HDAC9: variants seen among roughly 807,000 people sequenced by gnomAD.
The protein encoded by HDAC9 is MEF-2 interacting transcription repressor (MITR) protein.
Under a neutral mutation model 139.4 loss-of-function variants are expected in HDAC9, and 41 were observed. The observed-to-expected ratio is 0.29, with a 90% CI of 0.23 to 0.38. The LOEUF (loss-of-function observed/expected upper bound fraction) is 0.38. Ranked by LOEUF, HDAC9 falls within the 10% of genes least tolerant of loss-of-function variation. The probability of loss-of-function intolerance (pLI) is 1.00; values close to 1 mark genes in which losing one functional copy is unlikely to be tolerated. For missense variants in HDAC9, 1,147 were observed against 1,297.0 expected (o/e 0.88, Z 1.78); for synonymous variants, 517 against 476.2 (o/e 1.09, Z -1.12).
At chr7:18,345,925 G>A (rs1435777781) in intron 1 of HDAC9, among the ~76,000 whole-genome samples, 1 of 151,980 alleles carries the variant, frequency 6.6e-6, no homozygotes, top group Non-Finnish European at 1.5e-5. Flanking sequence ...TCAAGGAGCC[G>A]CATGTATAGT....
At chr7:18,310,086 T>C (rs1469856584) in intron 1 of HDAC9, among the ~76,000 whole-genome samples, 2 of 147,846 alleles carry the variant, frequency 1.4e-5, no homozygotes, top group Non-Finnish European at 3.0e-5. Context: ...CACTTTAGCT[T>C]GATAAGTGCC....
chr7:18,720,160 C>T (rs1348401199), intron 12 of HDAC9, among the ~76,000 whole-genome samples: 1 of 151,928 alleles, frequency 6.6e-6, no homozygotes, highest in Non-Finnish European at 1.5e-5. Flanking sequence ...TAGTATCTAT[C>T]CATATATCAA....
rs553747146 is a variant in HDAC9, at chr7:18,508,273, T to A, written c.22+11949T>A. ...GTGAAGGCTTTTGAGTCTGCTAACC[T>A]GTAAAGGGTATCTTTCTAAAAAAAG... On this transcript the variant is annotated intron_variant, in intron 2 of 25. Coordinates refer to ENST00000686413, the MANE Select transcript of HDAC9 (RefSeq NM_178425.4). 2.6e-5 allele frequency among the ~76,000 whole-genome samples: 4 copies of A among 152,318 alleles called. No homozygotes were observed. The East Asian group carries it at 7.7e-4, about 29-fold the overall frequency.
chr7:18,426,357 C>T (rs1222002723), intron 1 of HDAC9, among the ~76,000 whole-genome samples: 1 of 152,190 alleles, frequency 6.6e-6, no homozygotes. Flanking sequence ...AATGCTAATG[C>T]AGTTTTTAAT....
At position 18,775,162 on chromosome 7, in the gene HDAC9, A is replaced by C. The variant is rs191251647; in HGVS notation, c.2214+8007A>C. 3.3e-5 allele frequency among the ~76,000 whole-genome samples: 5 copies of C among 152,166 alleles called. No individual in the cohort carries two copies. The East Asian group carries it at 9.7e-4, about 30-fold the overall frequency. ...TATGGGCACGATTCATGGTGCCCCA[A>C]AACAATTATAATAGTACTATCAAAG... On this transcript the variant is annotated intron_variant, in intron 16 of 25. Transcript: ENST00000686413.
chr7:18,231,371 G>A lies in HDAC9; in HGVS notation c.25+69022G>A, dbSNP rs74433491. On this transcript the variant is annotated intron_variant, in intron 2 of 12. Transcript: ENST00000417496. The stretch of plus-strand genomic sequence containing the variant: ...TTTCTCCCCACTTTACGGCGATCAA[G>A]CTGCATCCCCTCTCATGGGGCTGTG... Among the ~76,000 whole-genome samples the A allele has an allele frequency of 6.4e-3, 977 of 152,306 alleles. 16 individuals are homozygous for A. Among genetic ancestry groups the A allele is most frequent in the African/African-American group, 0.023 (943 of 41,560 alleles).
At chr7:18,285,681 T>C (rs1797390681), upstream of HDAC9, among the ~76,000 whole-genome samples, 1 of 152,106 alleles carries the variant, frequency 6.6e-6, no homozygotes, top group African/African-American at 2.4e-5. Flanking sequence ...TTTACTTGCT[T>C]ACCAGTGAAG....
chr7:18,972,010 T>G (rs1276610469), intron 24 of HDAC9, among the ~76,000 whole-genome samples: 2 of 152,222 alleles, frequency 1.3e-5, no homozygotes, highest in Non-Finnish European at 1.5e-5. Flanking sequence ...AGACCTCTCC[T>G]GTTGAGAAAT....
At position 18,482,245 on chromosome 7, in the gene HDAC9, T is replaced by TA. The variant is rs142688230; in HGVS notation, c.-41-14014dup. Among the ~76,000 whole-genome samples, 850 of 151,516 alleles carry TA rather than the reference T, an allele frequency of 5.6e-3. 11 individuals carry two copies. The highest frequency in any genetic ancestry group is 0.02 in the African/African-American group (819 of 41,242). On this transcript the variant is annotated intron_variant, in intron 1 of 3. Transcript: ENST00000413509. ...ACCCTCATGTGCCCTGTCACACTGTTAAAGAGTATCCCTGGCTGCTGAGCA... is the reference window on the plus strand; with the variant it reads ...ACCCTCATGTGCCCTGTCACACTGTTAAAAGAGTATCCCTGGCTGCTGAGCA...
intron 16 of HDAC9, among the ~76,000 whole-genome samples, chr7:18,770,805 G>A (rs920255887): frequency 6.6e-6 from 1 of 152,124 alleles, no homozygotes; most frequent in African/African-American, 2.4e-5. Context: ...GGGGCTTATG[G>A]CATTTGTTTA....
At chr7:18,432,629 T>TG (rs1790782954) in intron 1 of HDAC9, among the ~76,000 whole-genome samples, 1 of 152,282 alleles carries the variant, frequency 6.6e-6, no homozygotes, top group African/African-American at 2.4e-5. Context: ...GTTGAAAATT[T>TG]GAATGTTCAT....
At chr7:18,441,620 C>T (rs889272198) in intron 1 of HDAC9, among the ~76,000 whole-genome samples, 1 of 152,122 alleles carries the variant, frequency 6.6e-6, no homozygotes, top group Non-Finnish European at 1.5e-5. Flanking sequence ...TCAGTATTCA[C>T]TTGTTTGGAG....
intron 22 of HDAC9, among the ~76,000 whole-genome samples, chr7:18,932,876 G>GAAAGAAAGAAAGAAAC (rs1804900795): frequency 6.6e-6 from 1 of 151,868 alleles, no homozygotes; most frequent in African/African-American, 2.4e-5. Flanking sequence ...AAGAAAGAAA[G>GAAAGAAAGAAAGAAAC]AAAGGATGTC....
At chr7:18,264,203 A>C (rs892004143) in intron 2 of HDAC9, among the ~76,000 whole-genome samples, 1 of 152,180 alleles carries the variant, frequency 6.6e-6, no homozygotes, top group Non-Finnish European at 1.5e-5. Flanking sequence ...TTTCCACCCA[A>C]CAACAGTGGA....
At chr7:18,660,080 G>C (rs193162374) in intron 11 of HDAC9, among the ~76,000 whole-genome samples, 27 of 152,292 alleles carry the variant, frequency 1.8e-4, no homozygotes, top group Admixed American at 1.4e-3. Context: ...CTAGTAAATA[G>C]TCGGAAATTT....
chr7:18,386,555 C>T (rs775742739), intron 1 of HDAC9, among the ~76,000 whole-genome samples: 1 of 152,164 alleles, frequency 6.6e-6, no homozygotes, highest in African/African-American at 2.4e-5. Flanking sequence ...AGGTCACGCT[C>T]GCCTTGAACC....
chr7:18,652,084 G>C (rs1373066885), intron 11 of HDAC9, among the ~76,000 whole-genome samples: 1 of 152,110 alleles, frequency 6.6e-6, no homozygotes, highest in Non-Finnish European at 1.5e-5. Context: ...AATCAGAAAT[G>C]CATTAAACAG....
intron 1 of HDAC9, among the ~76,000 whole-genome samples, chr7:18,298,195 ATTT>A (rs1236607851): frequency 6.6e-6 from 1 of 152,066 alleles, no homozygotes; most frequent in Non-Finnish European, 1.5e-5. Context: ...TATTGTTATT[ATTT>A]ATTTTCACAA....
At chr7:18,362,842 C>T (rs1783889305) in intron 1 of HDAC9, among the ~76,000 whole-genome samples, 1 of 152,036 alleles carries the variant, frequency 6.6e-6, no homozygotes, top group African/African-American at 2.4e-5. Flanking sequence ...TTCTGGTTTA[C>T]GTCTTTAAAG....
Sources: gnomAD v4.1 joint callset for allele counts (sites outside exome capture counted in the v4.1 genomes callset) on GRCh38, gnomAD v4.1.1 for gene constraint, MANE v1.5 for transcripts, NCBI Gene and HGNC (gene_info 2026-07-23, HGNC 2026-07-21) for gene names.